The following SPOCK1 variants were observed in gnomAD, a reference collection of about 807,000 sequenced individuals.
The protein encoded by SPOCK1 is testican-1.
SPOCK1 carries 23 observed loss-of-function variants against 55.3 expected under a neutral mutation model. That is an observed-to-expected ratio of 0.42 (90% confidence interval 0.30 to 0.59). SPOCK1 has a LOEUF of 0.59. Among genes scored for constraint, SPOCK1 ranks in the 20% least tolerant of loss-of-function variants. The pLI is 0.22. For missense variants in SPOCK1, 499 were observed against 552.5 expected (o/e 0.90, Z 0.97); for synonymous variants, 226 against 221.0 (o/e 1.02, Z -0.20).
At chr5:137,076,811 A>G (rs1305548774) in intron 5 of SPOCK1, among the ~76,000 whole-genome samples, 3 of 152,188 alleles carry the variant, frequency 2.0e-5, no homozygotes, top group Non-Finnish European at 4.4e-5. Context: ...GTGTTAATAC[A>G]TTCATTCTAT....
chr5:137,111,841 G>T (rs546836530), intron 5 of SPOCK1, among the ~76,000 whole-genome samples: 75 of 152,068 alleles, frequency 4.9e-4, no homozygotes, highest in Middle Eastern at 3.4e-3. Context: ...TTTTATCCCA[G>T]CCCCTTTTTC....
intron 4 of SPOCK1, among the ~76,000 whole-genome samples, chr5:137,123,391 C>A (rs921766837): frequency 2.0e-5 from 3 of 152,154 alleles, no homozygotes; most frequent in African/African-American, 7.2e-5. Flanking sequence ...CTGAGAAGGT[C>A]TCAGATAGCC....
intron 3 of SPOCK1, among the ~76,000 whole-genome samples, chr5:137,241,146 G>A (rs961207526): frequency 6.6e-6 from 1 of 152,002 alleles, no homozygotes; most frequent in Non-Finnish European, 1.5e-5. Context: ...AATAATGGGA[G>A]AAAAACTAGA....
intron 4 of SPOCK1, among the ~76,000 whole-genome samples, chr5:137,138,394 C>T (rs189643863): frequency 1.3e-5 from 2 of 152,104 alleles, no homozygotes; most frequent in Admixed American, 6.5e-5. Flanking sequence ...GGTCTCAAAC[C>T]GATTTGAGTT....
intron 2 of SPOCK1, among the ~76,000 whole-genome samples, chr5:137,392,638 A>G (rs1482206274): frequency 6.6e-6 from 1 of 152,178 alleles, no homozygotes; most frequent in African/African-American, 2.4e-5. Context: ...TCTTATCTGT[A>G]AAAGGGGATA....
At chr5:137,093,072 T>G (rs1036776769) in intron 5 of SPOCK1, among the ~76,000 whole-genome samples, 3 of 152,184 alleles carry the variant, frequency 2.0e-5, no homozygotes, top group African/African-American at 7.2e-5. Flanking sequence ...ATTAAAATAT[T>G]CATTAGGGCA....
intron 3 of SPOCK1, among the ~76,000 whole-genome samples, chr5:137,195,852 T>G (rs1015780154): frequency 2.0e-5 from 3 of 152,160 alleles, no homozygotes; most frequent in Non-Finnish European, 2.9e-5. Flanking sequence ...GGGATGCAGA[T>G]GCCAGCCCTC....
At chr5:137,106,805 A>G (rs1475590219) in intron 5 of SPOCK1, among the ~76,000 whole-genome samples, 1 of 152,082 alleles carries the variant, frequency 6.6e-6, no homozygotes, top group African/African-American at 2.4e-5. Flanking sequence ...AAACCCCTTC[A>G]TGTGGCCCCT....
At chr5:137,080,447 C>T (rs1752862160) in intron 5 of SPOCK1, among the ~76,000 whole-genome samples, 1 of 152,198 alleles carries the variant, frequency 6.6e-6, no homozygotes, top group African/African-American at 2.4e-5. Context: ...CCATTATCTT[C>T]CAAACAAAGC....
chr5:136,995,019 T>A (rs1368545295), intron 6 of SPOCK1, among the ~76,000 whole-genome samples: 2 of 151,844 alleles, frequency 1.3e-5, no homozygotes, highest in Non-Finnish European at 2.9e-5. Flanking sequence ...AAATCAAAAT[T>A]TAAAAAATCT....
At chr5:137,407,195 C>T (rs995815260) in intron 2 of SPOCK1, among the ~76,000 whole-genome samples, 1 of 152,354 alleles carries the variant, frequency 6.6e-6, no homozygotes, top group East Asian at 1.9e-4. Flanking sequence ...TTTACTTCAA[C>T]TCCATAGCTG....
At position 137,252,474 on chromosome 5, in the gene SPOCK1, G is replaced by T. The variant is rs1054688162; in HGVS notation, c.232+14536C>A. On this transcript the variant is annotated intron_variant, in intron 3 of 10. Transcript: ENST00000394945. ...AGTTCCTAGAATATTGTATGCAAAAGTTCCTACAGCATGAGTTACTTAATG... is the reference window on the plus strand; with the variant it reads ...AGTTCCTAGAATATTGTATGCAAAATTTCCTACAGCATGAGTTACTTAATG... 3.9e-5 allele frequency among the ~76,000 whole-genome samples: 6 copies of T among 152,244 alleles called. No homozygotes were observed. In the South Asian group the frequency reaches 1.0e-3, roughly 26 times the overall value.
chr5:137,373,101 C>A (rs574644879), intron 2 of SPOCK1, among the ~76,000 whole-genome samples: 1 of 152,164 alleles, frequency 6.6e-6, no homozygotes, highest in Non-Finnish European at 1.5e-5. Flanking sequence ...CACATTTAGG[C>A]CCCTGGATCT....
chr5:137,420,430 C>T (rs1420758715), intron 2 of SPOCK1, among the ~76,000 whole-genome samples: 1 of 151,864 alleles, frequency 6.6e-6, no homozygotes, highest in South Asian at 2.1e-4. Context: ...TGGTCCTGGA[C>T]TTTTTTTTGG....
intron 3 of SPOCK1, among the ~76,000 whole-genome samples, chr5:137,148,318 A>G (rs575093153): frequency 4.7e-4 from 72 of 152,318 alleles, no homozygotes; most frequent in African/African-American, 1.6e-3. Flanking sequence ...TAAGCCCAAC[A>G]TGGTAATTTA....
intron 2 of SPOCK1, among the ~76,000 whole-genome samples, chr5:137,449,762 G>A (rs1467139523): frequency 6.6e-6 from 1 of 150,896 alleles, no homozygotes. Flanking sequence ...AGGTGTAGTG[G>A]CAGATGCCTG....
chr5:137,147,077 A>G (rs944219316), intron 3 of SPOCK1, among the ~76,000 whole-genome samples: 2 of 152,094 alleles, frequency 1.3e-5, no homozygotes, highest in African/African-American at 4.8e-5. Context: ...TCTCTGTTAC[A>G]TTATTTGTGT....
intron 2 of SPOCK1, among the ~76,000 whole-genome samples, chr5:137,278,114 C>A (rs1191751185): frequency 1.3e-5 from 2 of 152,168 alleles, no homozygotes; most frequent in Non-Finnish European, 2.9e-5. Flanking sequence ...CTCCTCCTAG[C>A]CCTGCCATTC....
At chr5:137,032,573 G>A (rs539605299) in intron 6 of SPOCK1, among the ~76,000 whole-genome samples, 48 of 152,244 alleles carry the variant, frequency 3.2e-4, no homozygotes, top group African/African-American at 1.1e-3. Flanking sequence ...TAGAAGTGTG[G>A]GCTCCTGCAA....
Sources: gnomAD v4.1 joint callset for allele counts (sites outside exome capture counted in the v4.1 genomes callset) on GRCh38, gnomAD v4.1.1 for gene constraint, MANE v1.5 for transcripts, NCBI Gene and HGNC (gene_info 2026-07-23, HGNC 2026-07-21) for gene names.